Variants in EYS observed in about 807,000 individuals in gnomAD.
The protein encoded by EYS is protein eyes shut homolog.
EYS carries 250 observed loss-of-function variants against 282.1 expected under a neutral mutation model. The observed-to-expected ratio is 0.89, with a 90% CI of 0.80 to 0.98. EYS has a LOEUF of 0.98. Among genes scored for constraint, EYS ranks in the 50% least tolerant of loss-of-function variants. The probability of loss-of-function intolerance (pLI) is 0.00; values close to 1 mark genes in which losing one functional copy is unlikely to be tolerated. For synonymous variants in EYS, 1,355 were observed against 1,282.9 expected (o/e 1.06, Z -1.20); for missense variants, 4,016 against 3,709.0 (o/e 1.08, Z -2.15).
chr6:65,464,597 GC>G (rs2150411837), intron 5 of EYS, among the ~76,000 whole-genome samples: 1 of 152,146 alleles, frequency 6.6e-6, no homozygotes. Context: ...CCGTCTACAT[GC>G]CACCTTTTAA....
At chr6:65,069,348 C>T (rs1169126123) in intron 12 of EYS, among the ~76,000 whole-genome samples, 1 of 151,992 alleles carries the variant, frequency 6.6e-6, no homozygotes. Flanking sequence ...AACTTATACT[C>T]ATTTTCTCCA....
intron 22 of EYS, among the ~76,000 whole-genome samples, chr6:64,679,243 G>A (rs1307013882): frequency 6.6e-6 from 1 of 151,970 alleles, no homozygotes; most frequent in African/African-American, 2.4e-5. Context: ...ATGTTTGTAA[G>A]TGTGTATGTG....
intron 26 of EYS, among the ~76,000 whole-genome samples, chr6:64,446,407 A>G (rs1225373286): frequency 6.6e-6 from 1 of 152,160 alleles, no homozygotes; most frequent in Non-Finnish European, 1.5e-5. Context: ...ACTCTGAAGT[A>G]TATGTGTGTA....
At chr6:64,836,597 A>AT (rs931949490) in intron 19 of EYS, among the ~76,000 whole-genome samples, 2 of 151,478 alleles carry the variant, frequency 1.3e-5, no homozygotes, top group South Asian at 2.1e-4. Flanking sequence ...TTTTACCAAA[A>AT]TTTTTTTCAT....
At chr6:64,429,658 A>G (rs1262518593) in intron 28 of EYS, among the ~76,000 whole-genome samples, 1 of 152,080 alleles carries the variant, frequency 6.6e-6, no homozygotes, top group Non-Finnish European at 1.5e-5. Context: ...AAAAACTTAA[A>G]CATGGTTAAT....
At chr6:64,561,740 G>A (rs1404284352) in intron 26 of EYS, among the ~76,000 whole-genome samples, 2 of 151,766 alleles carry the variant, frequency 1.3e-5, no homozygotes, top group Non-Finnish European at 2.9e-5. Context: ...CATTAAAATG[G>A]TTATACTACC....
At chr6:65,261,214 A>G (rs1411912429) in intron 12 of EYS, among the ~76,000 whole-genome samples, 1 of 151,988 alleles carries the variant, frequency 6.6e-6, no homozygotes, top group African/African-American at 2.4e-5. Context: ...AAGTTTAATC[A>G]ATGGTTATTT....
intron 13 of EYS, among the ~76,000 whole-genome samples, chr6:65,019,198 G>T (rs924130887): frequency 6.6e-6 from 1 of 151,988 alleles, no homozygotes; most frequent in African/African-American, 2.4e-5. Context: ...TAAAATTTTT[G>T]TGAATCTAGG....
intron 1 of EYS, among the ~76,000 whole-genome samples, chr6:65,706,844 G>T (rs1037592955): frequency 3.3e-5 from 5 of 152,030 alleles, no homozygotes; most frequent in Non-Finnish European, 7.4e-5. Context: ...ACTAAATAAA[G>T]ATTCTCTAGC....
chr6:65,560,172 TATA>T (rs1768983143), intron 2 of EYS, among the ~76,000 whole-genome samples: 2 of 145,990 alleles, frequency 1.4e-5, no homozygotes, highest in African/African-American at 2.5e-5. Context: ...TGTCAATCAC[TATA>T]ATACTTGTAA....
At chr6:64,358,706 G>T (rs1279667470) in intron 29 of EYS, among the ~76,000 whole-genome samples, 4 of 151,608 alleles carry the variant, frequency 2.6e-5, no homozygotes, top group Non-Finnish European at 5.9e-5. Flanking sequence ...ATAATCTGGG[G>T]TCATGTTGAG....
intron 12 of EYS, among the ~76,000 whole-genome samples, chr6:65,175,903 C>T (rs1765211830): frequency 6.6e-6 from 1 of 151,348 alleles, no homozygotes; most frequent in African/African-American, 2.4e-5. Flanking sequence ...TACCAAAATG[C>T]CAATGAGATG....
At chr6:64,095,831 T>G (rs1403494041) in intron 31 of EYS, among the ~76,000 whole-genome samples, 1 of 152,360 alleles carries the variant, frequency 6.6e-6, no homozygotes. Context: ...CATTAGTTGA[T>G]GCAGTTTCTT....
At chr6:64,614,351 G>A (rs543767483) in intron 24 of EYS, among the ~76,000 whole-genome samples, 104 of 152,082 alleles carry the variant, frequency 6.8e-4, no homozygotes, top group Admixed American at 1.4e-3. Context: ...TTCCTTTTAC[G>A]CAATGCATCA....
chr6:64,075,383 A>G (rs1771734541), intron 32 of EYS, among the ~76,000 whole-genome samples: 1 of 151,936 alleles, frequency 6.6e-6, no homozygotes, highest in African/African-American at 2.4e-5. Context: ...ATTACATGCT[A>G]TTGGAGATTG....
Position 63,788,099 on chromosome 6 carries a change from C to G in EYS, c.7723+6G>C, listed in dbSNP as rs773926989. 1 of 1,529,026 alleles carries G rather than the reference C, an allele frequency of 6.5e-7. No individual in the cohort carries two copies. Among genetic ancestry groups the G allele is most frequent in the East Asian group, 2.5e-5 (1 of 40,486 alleles). 94.7% of individuals were successfully genotyped at this position (1,529,026 alleles called of 1,614,324 possible). On this transcript the variant is annotated splice_donor_region_variant and intron_variant, in intron 39 of 42. Coordinates refer to ENST00000503581, the MANE Select transcript of EYS (RefSeq NM_001142800.2). ...AGGTATAATATAAAAAATGTCCATG[C>G]CTTACCTTGAAAACCATTTTTAAAA...
intron 36 of EYS, among the ~76,000 whole-genome samples, chr6:63,861,384 A>G (rs1438547802): frequency 2.0e-5 from 3 of 152,210 alleles, no homozygotes; most frequent in Non-Finnish European, 4.4e-5. Flanking sequence ...AGGCATAATT[A>G]TCTTTTGTCA....
intron 12 of EYS, among the ~76,000 whole-genome samples, chr6:65,071,930 C>G (rs1209020620): frequency 6.6e-6 from 1 of 151,710 alleles, no homozygotes; most frequent in Non-Finnish European, 1.5e-5. Context: ...AATTGCATCC[C>G]TTTTTGCTCT....
intron 22 of EYS, among the ~76,000 whole-genome samples, chr6:64,636,390 T>A (rs1582981883): frequency 1.3e-5 from 2 of 152,182 alleles, no homozygotes; most frequent in South Asian, 4.1e-4. Context: ...TAGCCATATG[T>A]AGAAAGCTGA....
Sources: gnomAD v4.1 joint callset for allele counts (sites outside exome capture counted in the v4.1 genomes callset) on GRCh38, gnomAD v4.1.1 for gene constraint, MANE v1.5 for transcripts, NCBI Gene and HGNC (gene_info 2026-07-23, HGNC 2026-07-21) for gene names.